Variants in MBD5 observed in about 807,000 individuals in gnomAD.
MBD5 encodes the protein methyl-CpG binding domain protein 5, also known as methyl-CpG-binding domain protein 5.
A neutral mutation model predicts 117.3 loss-of-function variants in MBD5; 13 were observed. The observed-to-expected ratio is 0.11, with a 90% confidence interval of 0.07 to 0.18. The LOEUF is 0.18. Among genes scored for constraint, MBD5 ranks in the 10% least tolerant of loss-of-function variants. The pLI, the probability that MBD5 is intolerant of heterozygous loss-of-function variation, is 1.00. For synonymous variants in MBD5, 727 were observed against 766.4 expected, an observed-to-expected ratio of 0.95 and a Z score of 0.85; for missense variants, 1,879 against 2,093.8, an observed-to-expected ratio of 0.90 and a Z score of 2.00.
chr2:148,154,208 T>C (rs1697786214), intron 1 of MBD5, among the ~76,000 whole-genome samples: 1 of 151,430 alleles, frequency 6.6e-6, no homozygotes, highest in Non-Finnish European at 1.5e-5. Flanking sequence ...GTGTGAGGTG[T>C]CAGTCTGCCC....
At chr2:148,160,595 G>A (rs570048542) in intron 1 of MBD5, among the ~76,000 whole-genome samples, 2 of 152,264 alleles carry the variant, frequency 1.3e-5, no homozygotes, top group South Asian at 2.1e-4. Context: ...GAAATATGAG[G>A]GAAACTGTTG....
At chr2:148,266,353 A>G (rs1227091048) in intron 3 of MBD5, among the ~76,000 whole-genome samples, 2 of 152,128 alleles carry the variant, frequency 1.3e-5, no homozygotes, top group African/African-American at 4.8e-5. Flanking sequence ...AATAATTATA[A>G]GAAAAACTCT....
At chr2:148,347,786 A>T (rs1404078484) in intron 4 of MBD5, among the ~76,000 whole-genome samples, 1 of 152,006 alleles carries the variant, frequency 6.6e-6, no homozygotes, top group Non-Finnish European at 1.5e-5. Flanking sequence ...TTACCATGTA[A>T]GTTGCAAAAT....
intron 1 of MBD5, among the ~76,000 whole-genome samples, chr2:148,100,999 A>G (rs1228179630): frequency 6.6e-6 from 1 of 152,212 alleles, no homozygotes; most frequent in Non-Finnish European, 1.5e-5. Flanking sequence ...TAACAAATCT[A>G]TATTCCACTG....
intron 3 of MBD5, among the ~76,000 whole-genome samples, chr2:148,240,394 T>C (rs569302297): frequency 5.4e-5 from 8 of 149,298 alleles, no homozygotes; most frequent in African/African-American, 2.0e-4. Flanking sequence ...TGTGCACATG[T>C]ACCCTAGAAC....
intron 1 of MBD5, among the ~76,000 whole-genome samples, chr2:148,177,507 G>A (rs72854857): frequency 2.1e-4 from 32 of 152,298 alleles, no homozygotes; most frequent in Admixed American, 4.6e-4. Flanking sequence ...GTGTATCATG[G>A]AAGCTTTCAA....
At chr2:148,398,340 G>A (rs1464695319) in intron 4 of MBD5, among the ~76,000 whole-genome samples, 3 of 120,054 alleles carry the variant, frequency 2.5e-5, no homozygotes, top group Non-Finnish European at 3.6e-5. Context: ...TTTAATGATC[G>A]CCATTCTAAC....
chr2:148,269,148 G>A (rs1700923618), intron 3 of MBD5, among the ~76,000 whole-genome samples: 1 of 151,862 alleles, frequency 6.6e-6, no homozygotes, highest in Non-Finnish European at 1.5e-5. Flanking sequence ...TCTTTAAAAG[G>A]GAGCAGCTTT....
chr2:148,271,990 CTAT>C (rs1357566107), intron 3 of MBD5, among the ~76,000 whole-genome samples: 11 of 152,176 alleles, frequency 7.2e-5, no homozygotes, highest in African/African-American at 2.7e-4. Flanking sequence ...TGCTCCACTA[CTAT>C]GAGTTTGACT....
intron 11 of MBD5, among the ~76,000 whole-genome samples, chr2:148,500,424 G>A (rs1290687037): frequency 3.3e-5 from 5 of 151,972 alleles, no homozygotes; most frequent in Admixed American, 6.6e-5. Context: ...TAAATGCACC[G>A]AGTCCCATCT....
Position 148,469,932 on chromosome 2 carries a change from T to C in MBD5, c.1989T>C (p.Pro663=), listed in dbSNP as rs2105638695. Residue 663 remains proline, a synonymous_variant, in exon 8 of 14, where the codon CCT becomes CCC. Coordinates refer to ENST00000642680, the MANE Select transcript of MBD5 (RefSeq NM_001378120.1). ...CATTGCGGAAAAGAAAACAACCACC[T>C]ACGACAGTGTTGAGTTTGCTCAGAC... ...KDALRKRKQP[P]TTVLSLLRQS... 6.2e-7 allele frequency: 1 copy of C among 1,613,964 alleles called. No homozygotes were observed. Among genetic ancestry groups the C allele is most frequent in the African/African-American group, 1.3e-5 (1 of 75,036 alleles).
rs1351125438 is a variant in MBD5 at position 148,469,184 on chromosome 2, C to T, written c.1241C>T (p.Pro414Leu). Residue 414 changes from proline (P) to leucine (L), a missense_variant, in exon 8 of 14, where the codon CCT (proline) becomes CTT (leucine). Physicochemically the swap from Pro to Leu is moderately conservative, Grantham distance 98 (BLOSUM62 -3). Coordinates refer to ENST00000642680, the MANE Select transcript of MBD5 (RefSeq NM_001378120.1). ...AATCTCCCATTGCCAACTGTAAAAC[C>T]TGGTCACATGAATCATGGGAGTCAT... The part of the protein sequence containing the change: ...PSNLPLPTVK[P>L]GHMNHGSHVQ... The T allele has an allele frequency of 3.1e-6, 5 of 1,614,042 alleles. No homozygotes were observed. Among genetic ancestry groups the T allele is most frequent in the Non-Finnish European group, 3.4e-6 (4 of 1,179,972 alleles).
chr2:148,025,643 T>C (rs1300633463), intron 1 of MBD5: 1 of 152,056 alleles, frequency 6.6e-6, no homozygotes, highest in African/African-American at 2.4e-5. Context: ...TTATCATTCA[T>C]GATTCATTGG....
At chr2:148,447,172 GAAGAAGGA>G (rs1318692461) in intron 4 of MBD5, among the ~76,000 whole-genome samples, 804 of 63,662 alleles carry the variant, frequency 0.013, 9 homozygotes, top group African/African-American at 0.052. Context: ...AGGAAGAAAG[GAAGAAGGA>G]AAGAAAGAAA....
intron 4 of MBD5, among the ~76,000 whole-genome samples, chr2:148,391,063 G>A (rs1704557892): frequency 6.6e-6 from 1 of 152,092 alleles, no homozygotes; most frequent in African/African-American, 2.4e-5. Context: ...ACTCTGCAAA[G>A]TCTGAAGTCT....
intron 3 of MBD5, among the ~76,000 whole-genome samples, chr2:148,307,977 T>A (rs777670150): frequency 5.9e-5 from 9 of 152,216 alleles, no homozygotes; most frequent in Non-Finnish European, 1.0e-4. Flanking sequence ...TAACTCACTT[T>A]TTTTTACAGC....
At chr2:148,367,063 C>G (rs1351793244) in intron 4 of MBD5, among the ~76,000 whole-genome samples, 1 of 152,162 alleles carries the variant, frequency 6.6e-6, no homozygotes. Flanking sequence ...CTTCACACTA[C>G]CTGACTTCAA....
chr2:148,416,668 A>G (rs956882584), intron 4 of MBD5, among the ~76,000 whole-genome samples: 2 of 152,110 alleles, frequency 1.3e-5, no homozygotes, highest in African/African-American at 2.4e-5. Flanking sequence ...TTTTTGTTAC[A>G]TGGATGAATT....
chr2:148,131,920 G>A (rs1478807208), intron 1 of MBD5, among the ~76,000 whole-genome samples: 1 of 152,130 alleles, frequency 6.6e-6, no homozygotes, highest in African/African-American at 2.4e-5. Context: ...GTGTTTTCAT[G>A]TGTGTGCTTT....
Sources: allele counts gnomAD v4.1 joint callset (sites outside exome capture counted in the v4.1 genomes callset), GRCh38; gene constraint gnomAD v4.1.1; transcripts MANE v1.5; gene names NCBI Gene and HGNC (gene_info 2026-07-23, HGNC 2026-07-21).